Variants in TECRL observed in about 807,000 individuals in gnomAD.
TECRL encodes trans-2,3-enoyl-CoA reductase-like.
TECRL carries 63 observed loss-of-function variants against 52.8 expected under a neutral mutation model. The observed-to-expected ratio is 1.19, with a 90% confidence interval of 0.97 to 1.47. The LOEUF is 1.47. TECRL is among the 40% of genes most tolerant of loss of function. The pLI is 0.00. For synonymous variants in TECRL, 164 were observed against 141.9 expected (o/e 1.16, Z -1.10); for missense variants, 482 against 429.6 (o/e 1.12, Z -1.08).
chr4:64,407,013 CAAA>C (rs60278070), intron 1 of TECRL, among the ~76,000 whole-genome samples: 7 of 149,244 alleles, frequency 4.7e-5, no homozygotes, highest in African/African-American at 1.7e-4. Context: ...AATTACTAAG[CAAA>C]AAAAAAAAAT....
At chr4:64,366,732 T>G (rs1197349675) in intron 2 of TECRL, among the ~76,000 whole-genome samples, 1 of 152,130 alleles carries the variant, frequency 6.6e-6, no homozygotes, top group East Asian at 1.9e-4. Flanking sequence ...TGGCTATTGT[T>G]AAAAAGTCAC....
At chr4:64,338,079 G>C (rs186112665) in intron 2 of TECRL, among the ~76,000 whole-genome samples, 23 of 152,020 alleles carry the variant, frequency 1.5e-4, no homozygotes, top group Middle Eastern at 3.2e-3. Context: ...GGTACCAAAA[G>C]AGAGATATAG....
intron 4 of TECRL, 76 bp downstream of exon 4, chr4:64,322,613 G>T: frequency 9.9e-7 from 1 of 1,006,440 alleles, no homozygotes; most frequent in Non-Finnish European, 1.4e-6. Context: ...GAGTTTATTT[G>T]ATAGAATTAA....
intron 4 of TECRL, among the ~76,000 whole-genome samples, chr4:64,315,033 A>T (rs911739789): frequency 1.3e-5 from 2 of 152,202 alleles, no homozygotes; most frequent in African/African-American, 4.8e-5. Context: ...TTTTATTTTA[A>T]TAAACTAACC....
At chr4:64,282,559 A>T (rs934532908) in intron 9 of TECRL, among the ~76,000 whole-genome samples, 1 of 151,938 alleles carries the variant, frequency 6.6e-6, no homozygotes, top group Non-Finnish European at 1.5e-5. Context: ...GTAATGTCCT[A>T]TATTAATAAA....
intron 7 of TECRL, among the ~76,000 whole-genome samples, chr4:64,302,620 G>A (rs1724087400): frequency 6.6e-6 from 1 of 151,190 alleles, no homozygotes; most frequent in African/African-American, 2.4e-5. Context: ...GGTAAAATGA[G>A]GGAAACTATG....
At position 64,400,145 on chromosome 4, in the gene TECRL, C is replaced by T. The variant is rs147301821; in HGVS notation, c.234+8973G>A. ...GACCTTGGGAGCTCACTTTATCAAA[C>T]CAGTGTGTCTTGGATGTGAGACATG... On this transcript the variant is annotated intron_variant, in intron 1 of 11. Transcript: ENST00000381210. Among the ~76,000 whole-genome samples the T allele has an allele frequency of 2.3e-3, 350 of 152,272 alleles. 1 individual carries two copies. Among genetic ancestry groups the T allele is most frequent in the African/African-American group, 7.8e-3 (322 of 41,546 alleles).
chr4:64,384,913 C>T (rs899979555), intron 1 of TECRL, among the ~76,000 whole-genome samples: 5 of 152,170 alleles, frequency 3.3e-5, no homozygotes, highest in South Asian at 2.1e-4. Flanking sequence ...TATCTGCAGG[C>T]ATAGGCTATG....
chr4:64,322,357 C>G (rs1233604138), intron 4 of TECRL, among the ~76,000 whole-genome samples: 1 of 150,902 alleles, frequency 6.6e-6, no homozygotes, highest in East Asian at 2.0e-4. Context: ...TCATCACCAT[C>G]ATTGGCTTTC....
At chr4:64,392,162 G>A (rs565251371) in intron 1 of TECRL, among the ~76,000 whole-genome samples, 2 of 151,908 alleles carry the variant, frequency 1.3e-5, no homozygotes, top group South Asian at 2.1e-4. Context: ...TAAAAGAAAA[G>A]GTAATTAAAT....
intron 1 of TECRL, among the ~76,000 whole-genome samples, chr4:64,391,624 C>T (rs1723553790): frequency 6.6e-6 from 1 of 151,826 alleles, no homozygotes; most frequent in Non-Finnish European, 1.5e-5. Context: ...AAGCTCATTT[C>T]TGCTGTCTCT....
At chr4:64,377,792 AC>A (rs1722506236) in intron 1 of TECRL, among the ~76,000 whole-genome samples, 1 of 152,122 alleles carries the variant, frequency 6.6e-6, no homozygotes, top group African/African-American at 2.4e-5. Context: ...ATATGCATTT[AC>A]TACAGTTTTT....
intron 8 of TECRL, among the ~76,000 whole-genome samples, chr4:64,299,420 T>G (rs73823572): frequency 0.21 from 31,852 of 151,042 alleles, 3,510 homozygotes; most frequent in South Asian, 0.28. Flanking sequence ...AAAAAAAGTG[T>G]CAAATGAAAT....
chr4:64,279,574 T>G lies in TECRL; in HGVS notation c.*498A>C. 1 of 168,654 alleles carries G rather than the reference T, an allele frequency of 5.9e-6. No individual in the cohort carries two copies. Among genetic ancestry groups the G allele is most frequent in the Non-Finnish European group, 1.2e-5 (1 of 83,096 alleles). The allele number at this position is 168,654 out of a possible 1,614,324, so 10.4% of individuals were successfully genotyped here. A position where few individuals can be genotyped will look rare whatever the true frequency, so the allele number is the denominator to read the frequency against. Reference sequence around the variant, plus strand: ...GATATGAACCACCACGGCTGTCATATTTTTTGTCTTTTTGAAAATAGTCAC... The same window carrying G: ...GATATGAACCACCACGGCTGTCATAGTTTTTGTCTTTTTGAAAATAGTCAC... On this transcript the variant is annotated 3_prime_UTR_variant, in exon 12 of 12. Transcript: ENST00000381210.
intron 2 of TECRL, among the ~76,000 whole-genome samples, chr4:64,334,337 T>C (rs1263301819): frequency 6.6e-6 from 1 of 152,184 alleles, no homozygotes; most frequent in African/African-American, 2.4e-5. Context: ...AAATAGACCA[T>C]TTTATTCTCT....
rs779367256 is a variant in TECRL, at chr4:64,305,242, C to CAAACA, written c.658-9_658-5dup. The stretch of plus-strand genomic sequence containing the variant: ...ATCCCCAGTAAAAGGCACAACTCTG[C>CAAACA]AAACAAAACAAAACAAAATAAAAGT... On this transcript the variant is annotated splice_region_variant and splice_polypyrimidine_tract_variant and intron_variant, in intron 6 of 11. Transcript: ENST00000381210. 30 of 1,610,108 alleles carry CAAACA rather than the reference C, an allele frequency of 1.9e-5. No individual in the cohort carries two copies. Among genetic ancestry groups the CAAACA allele is most frequent in the African/African-American group, 5.4e-5 (4 of 74,520 alleles).
chr4:64,328,529 C>A lies in TECRL; in HGVS notation c.314G>T (p.Gly105Val), dbSNP rs1718412319. ...ACPKWYPSRVGLQLECGGPFL... is the reference protein window; with the variant it reads ...ACPKWYPSRVVLQLECGGPFL... ...CTTCTTACCACATTCTAGCTGCAGA[C>A]CAACTCGAGAAGGGTACCACTTTGG... The change falls in exon 3 of 12, where the codon GGT becomes GTT. Residue 105 changes from glycine to valine, a missense_variant. Gly to Val is a moderately radical substitution (Grantham distance 109). Coordinates refer to ENST00000381210, the MANE Select transcript of TECRL (RefSeq NM_001010874.5). The A allele has an allele frequency of 6.2e-7, 1 of 1,611,254 alleles. No homozygotes were observed. The highest frequency in any genetic ancestry group is 8.5e-7 in the Non-Finnish European group (1 of 1,178,264).
At chr4:64,335,756 T>G (rs956544787) in intron 2 of TECRL, among the ~76,000 whole-genome samples, 8 of 152,204 alleles carry the variant, frequency 5.3e-5, no homozygotes, top group Non-Finnish European at 1.2e-4. Flanking sequence ...TACATGATTG[T>G]ATGTCAGAAA....
intron 8 of TECRL, among the ~76,000 whole-genome samples, chr4:64,290,336 C>T (rs184831557): frequency 7.0e-4 from 107 of 152,194 alleles, no homozygotes; most frequent in African/African-American, 2.5e-3. Context: ...AGATCAAAGG[C>T]TTACCACCAT....
Sources: gnomAD v4.1 joint callset for allele counts (sites outside exome capture counted in the v4.1 genomes callset) on GRCh38, gnomAD v4.1.1 for gene constraint, MANE v1.5 for transcripts, NCBI Gene and HGNC (gene_info 2026-07-23, HGNC 2026-07-21) for gene names.